TLR5: variants seen among roughly 807,000 people sequenced by gnomAD.
TLR5 encodes toll-like receptor 5.
For missense variants in TLR5, 944 were observed against 999.8 expected, an observed-to-expected ratio of 0.94 and a Z score of 0.75; for synonymous variants, 373 against 384.4, an observed-to-expected ratio of 0.97 and a Z score of 0.35.
intron 5 of TLR5, among the ~76,000 whole-genome samples, chr1:223,124,447 C>CCA (rs1657082889): frequency 7.1e-6 from 1 of 141,680 alleles, no homozygotes; most frequent in Non-Finnish European, 1.5e-5. Context: ...CCGTCTAAAA[C>CCA]AAAAAAAAAA....
intron 3 of TLR5, 150 bp from the exon 4 acceptor site, chr1:223,135,014 G>T (rs115897378): frequency 3.9e-5 from 6 of 152,278 alleles, no homozygotes; most frequent in African/African-American, 1.4e-4. Flanking sequence ...AATGTGAAGA[G>T]AGAGTATCAA....
In TLR5 at chr1:223,119,205, C is replaced by T. The variant is rs78491065; in HGVS notation, c.-4-6170G>A. On this transcript the variant is annotated intron_variant, in intron 5 of 5. Coordinates refer to ENST00000642603, the MANE Select transcript of TLR5 (RefSeq NM_003268.6). The stretch of plus-strand genomic sequence containing the variant: ...TTGGTTGACACGTGCATGACAGTCC[C>T]GTACCATGCAGAATCAGCCAGCATC... Among the ~76,000 whole-genome samples, 720 of 152,164 alleles carry T rather than the reference C, an allele frequency of 4.7e-3. 22 individuals are homozygous for T. In the East Asian group the frequency reaches 0.066, roughly 14 times the overall value.
chr1:223,138,470 C>T (rs1657706172), intron 2 of TLR5, among the ~76,000 whole-genome samples: 1 of 152,100 alleles, frequency 6.6e-6, no homozygotes, highest in Non-Finnish European at 1.5e-5. Context: ...TTGTTCTCTG[C>T]TTCAGGCTTC....
rs1226221895 is a variant in TLR5 at position 223,111,684 on chromosome 1, G to A, written c.1348C>T (p.Leu450Phe). 1.2e-6 allele frequency: 2 copies of A among 1,614,058 alleles called. No individual in the cohort carries two copies. Among genetic ancestry groups the A allele is most frequent in the Admixed American group, 1.7e-5 (1 of 60,010 alleles). The change falls in exon 6 of 6, where the codon CTC becomes TTC. Residue 450 changes from leucine (L) to phenylalanine (F), a missense_variant. By Grantham distance (22) the Leu-to-Phe change is conservative. Transcript: ENST00000642603. ...ILYFLLRVPH[L>F]QILILNQNRF... ...TTTTGATTTAAAATGAGAATCTGGA[G>A]ATGAGGTACCCGTAGGAGAAAGTAG... is the stretch of plus-strand genomic sequence containing the variant.
At chr1:223,139,727 G>T (rs775084526) in intron 2 of TLR5, among the ~76,000 whole-genome samples, 4 of 152,152 alleles carry the variant, frequency 2.6e-5, no homozygotes, top group African/African-American at 4.8e-5. Flanking sequence ...GAATTCTATA[G>T]TGAAGGCAAT....
chr1:223,141,157 T>C (rs1773768), intron 2 of TLR5, among the ~76,000 whole-genome samples: 11,989 of 152,226 alleles, frequency 0.079, 809 homozygotes, highest in African/African-American at 0.18. Context: ...TTAAGTCTGT[T>C]AGTATACAGA....
intron 5 of TLR5, among the ~76,000 whole-genome samples, chr1:223,116,134 A>G (rs899678873): frequency 6.6e-6 from 1 of 152,160 alleles, no homozygotes; most frequent in African/African-American, 2.4e-5. Flanking sequence ...ACAAGCCCTT[A>G]CTTGTCTTGT....
intron 5 of TLR5, among the ~76,000 whole-genome samples, chr1:223,114,924 C>T (rs1264407052): frequency 1.3e-5 from 2 of 152,158 alleles, no homozygotes; most frequent in Admixed American, 6.5e-5. Flanking sequence ...TGCCACCTCC[C>T]AAGCCTATCC....
intron 5 of TLR5, chr1:223,126,807 G>A (rs890695208): frequency 6.6e-6 from 1 of 152,192 alleles, no homozygotes; most frequent in Non-Finnish European, 1.5e-5. Flanking sequence ...TGTATCTAGG[G>A]CTTTGAGGGG....
rs78098893 is a variant in TLR5, at chr1:223,110,778, T to C, written c.2254A>G (p.Arg752Gly). The change falls in exon 6 of 6, where the codon AGA becomes GGA. Residue 752 changes from arginine to glycine, a missense_variant. Transcript: ENST00000642603. ...ANIQDAIWNS[R>G]KIVCLVSRHF... The stretch of plus-strand genomic sequence containing the variant: ...CTGCTCACAAGACAAACGATCTTTC[T>C]ACTGTTCCAGATGGCATCCTGGATA... 777 of 1,614,264 alleles carry C rather than the reference T, an allele frequency of 4.8e-4. 3 individuals are homozygous for C. In the African/African-American group the frequency reaches 9.0e-3, roughly 19 times the overall value.
chr1:223,119,252 G>C (rs552872141), intron 5 of TLR5, among the ~76,000 whole-genome samples: 5 of 152,218 alleles, frequency 3.3e-5, no homozygotes, highest in Admixed American at 3.3e-4. Context: ...AGGATGTCCT[G>C]CCCAAAGTCC....
chr1:223,129,652 C>T (rs1364365011), intron 5 of TLR5: 2 of 152,344 alleles, frequency 1.3e-5, no homozygotes, highest in African/African-American at 4.8e-5. Flanking sequence ...GGGAGGGCAG[C>T]TCACTCGTGC....
intron 5 of TLR5, among the ~76,000 whole-genome samples, chr1:223,115,949 G>A (rs528387826): frequency 8.5e-4 from 130 of 152,300 alleles, no homozygotes; most frequent in African/African-American, 3.0e-3. Flanking sequence ...TCCAGCCTCA[G>A]GACCTTCGCA....
intron 4 of TLR5, among the ~76,000 whole-genome samples, chr1:223,133,682 G>T (rs1462890340): frequency 6.6e-6 from 1 of 152,192 alleles, no homozygotes; most frequent in Admixed American, 6.5e-5. Context: ...TTTTCTCAGC[G>T]CTGAAGAGTG....
In TLR5 at chr1:223,110,503, CTTTTCT is replaced by C. The variant is rs1289132220; in HGVS notation, c.2523_2528del (p.Glu842_Lys843del). ...GCAACGGAATGTTATTGTCTTTCTT[CTTTTCT>C]TTTTCTTTCTTTAGTATCTGTTGAG... On this transcript the variant is annotated inframe_deletion, in exon 6 of 6. Coordinates refer to ENST00000642603, the MANE Select transcript of TLR5 (RefSeq NM_003268.6). 5.6e-6 allele frequency: 9 copies of C among 1,614,102 alleles called. No homozygotes were observed. The Admixed American group carries it at 1.3e-4, about 24-fold the overall frequency.
At chr1:223,141,820 TATAGAGAGAG>T (rs1290391433) in intron 1 of TLR5, 57 bp from the exon 2 acceptor site, 10 of 43,890 alleles carry the variant, frequency 2.3e-4, no homozygotes, top group East Asian at 5.4e-4. Context: ...TATATATATA[TATAGAGAGAG>T]AGAGAGAGAG....
chr1:223,116,195 CACTG>C (rs1558122556), intron 5 of TLR5, among the ~76,000 whole-genome samples: 2 of 152,342 alleles, frequency 1.3e-5, no homozygotes, highest in South Asian at 4.1e-4. Flanking sequence ...TTCCTGGTCT[CACTG>C]ACTTCAAGAG....
intron 5 of TLR5, chr1:223,126,890 C>A (rs1171331465): frequency 6.6e-6 from 1 of 152,164 alleles, no homozygotes; most frequent in Non-Finnish European, 1.5e-5. Context: ...GTTAATGAGG[C>A]CAGAGGGAGA....
At chr1:223,141,818 T>TAGAGAGAGAGAG (rs1558137163) in intron 1 of TLR5, 55 bp from the exon 2 acceptor site, 1 of 43,280 alleles carries the variant, frequency 2.3e-5, no homozygotes, top group African/African-American at 9.7e-5. Flanking sequence ...TATATATATA[T>TAGAGAGAGAGAG]ATATAGAGAG....
Sources: allele counts gnomAD v4.1 joint callset (sites outside exome capture counted in the v4.1 genomes callset), GRCh38; gene constraint gnomAD v4.1.1; transcripts MANE v1.5; gene names NCBI Gene and HGNC (gene_info 2026-07-23, HGNC 2026-07-21).